The following GAREM2 variants were observed in gnomAD, a reference collection of about 807,000 sequenced individuals.
The protein encoded by GAREM2 is GRB2 associated regulator of MAPK1 subtype 2, also known as GRB2-associated and regulator of MAPK protein 2.
In GAREM2, 30 loss-of-function variants were observed where a neutral mutation model predicts 55.6. That is an observed-to-expected ratio of 0.54 (90% CI 0.40 to 0.73). The LOEUF (loss-of-function observed/expected upper bound fraction) is 0.73. Ranked by LOEUF, GAREM2 falls within the 30% of genes least tolerant of loss-of-function variation. The pLI, the probability that GAREM2 is intolerant of heterozygous loss-of-function variation, is 0.00. For missense variants in GAREM2, 1,075 were observed against 1,257.7 expected (o/e 0.85, Z 2.20); for synonymous variants, 550 against 569.1 (o/e 0.97, Z 0.48).
At chr2:26,197,877 G>GT in the GAREM2 span, 2 of 756,832 alleles carry the variant, frequency 2.6e-6, no homozygotes, top group South Asian at 1.4e-5. Context: ...AGCCCACTCT[G>GT]TCCCCCACAA....
the GAREM2 span, chr2:26,197,541 C>T: frequency 5.8e-6 from 4 of 685,040 alleles, no homozygotes; most frequent in South Asian, 6.0e-5. Flanking sequence ...TCACACTAGT[C>T]ATGGTATTAG....
chr2:26,198,258 T>G, the GAREM2 span, among the ~76,000 whole-genome samples: 1 of 152,210 alleles, frequency 6.6e-6, no homozygotes. Context: ...CATACCACTA[T>G]AGTTGCAGCT....
At chr2:26,174,237 G>A (rs1195044986) in intron 1 of GAREM2, among the ~76,000 whole-genome samples, 1 of 152,196 alleles carries the variant, frequency 6.6e-6, no homozygotes, top group Non-Finnish European at 1.5e-5. Flanking sequence ...GCCAGGAGTG[G>A]GCACAGTGGG....
downstream of GAREM2, chr2:26,191,118 A>T: frequency 1.1e-6 from 1 of 885,102 alleles, no homozygotes; most frequent in Non-Finnish European, 1.8e-6. Context: ...AAGGCACTTT[A>T]ATCAGGGAGC....
the GAREM2 span, chr2:26,201,353 G>T: frequency 2.0e-6 from 3 of 1,487,324 alleles, no homozygotes; most frequent in Admixed American, 3.3e-5. Context: ...TAGATGGGAA[G>T]AAAAGGAAAC....
At chr2:26,198,749 T>C in the GAREM2 span, among the ~76,000 whole-genome samples, 2,078 of 152,098 alleles carry the variant, frequency 0.014, 24 homozygotes, top group South Asian at 0.051. Flanking sequence ...CCCATGATTT[T>C]AGTTAATCAA....
rs1308508599 is a variant in GAREM2, at chr2:26,185,152, A to C, written c.1304A>C (p.His435Pro). The C allele has an allele frequency of 6.7e-7, 1 of 1,501,820 alleles. No homozygotes were observed. The allele number at this position is 1,501,820 out of a possible 1,614,324, so 93.0% of individuals were successfully genotyped here. A position where few individuals can be genotyped will look rare whatever the true frequency, so the allele number is the denominator to read the frequency against. The change falls in exon 4 of 6, where the codon CAC becomes CCC. Residue 435 changes from histidine to proline, a missense_variant. By Grantham distance (77) the His-to-Pro change is moderately conservative. Transcript: ENST00000401533. ...ATCCCCTACGAGGAGTTGTGGGCGC[A>C]CCAGGGGCCCGAGGGCCTCGTCCGG... ...AEIPYEELWAHQGPEGLVRPP... is the reference protein window; with the variant it reads ...AEIPYEELWAPQGPEGLVRPP...
chr2:26,176,643 T>C (rs983773099), intron 2 of GAREM2, among the ~76,000 whole-genome samples, 159 bp downstream of exon 2: 1 of 152,200 alleles, frequency 6.6e-6, no homozygotes, highest in African/African-American at 2.4e-5. Flanking sequence ...TGTGGCACTC[T>C]GGGTTTCTGG....
chr2:26,191,525 T>C (rs202066629), downstream of GAREM2: 4 of 1,614,164 alleles, frequency 2.5e-6, no homozygotes, highest in East Asian at 8.9e-5. Flanking sequence ...ACGGCTCCGA[T>C]GTCTCCCTCT....
Position 26,184,375 on chromosome 2 carries a change from G to A in GAREM2, c.527G>A (p.Arg176Gln). The change falls in exon 4 of 6, where the codon CGA (arginine) becomes CAA (glutamine). Residue 176 changes from arginine to glutamine, a missense_variant. By Grantham distance (43) the Arg-to-Gln change is conservative (BLOSUM62 1). Transcript: ENST00000401533. Reference protein sequence around the residue: ...KERSRFTTLLRKLGRAGALAG... With the variant: ...KERSRFTTLLQKLGRAGALAG... The stretch of plus-strand genomic sequence containing the variant: ...CGCTCGCGCTTCACCACCCTCCTGC[G>A]AAAGCTGGGCCGGGCCGGGGCGCTG... The A allele has an allele frequency of 6.5e-7, 1 of 1,542,418 alleles. No individual in the cohort carries two copies. Among genetic ancestry groups the A allele is most frequent in the Non-Finnish European group, 8.8e-7 (1 of 1,142,430 alleles).
intron 2 of GAREM2, among the ~76,000 whole-genome samples, chr2:26,180,198 C>T (rs900293288): frequency 6.6e-6 from 1 of 152,180 alleles, no homozygotes; most frequent in Admixed American, 6.5e-5. Flanking sequence ...CTCCCTGCTC[C>T]GTGATGATGC....
At chr2:26,195,797 T>A in the GAREM2 span, among the ~76,000 whole-genome samples, 2 of 152,176 alleles carry the variant, frequency 1.3e-5, no homozygotes, top group Non-Finnish European at 2.9e-5. Flanking sequence ...CCTGGGAGCG[T>A]TAGGCCTGCA....
At chr2:26,173,717 C>T (rs1423480729) in intron 1 of GAREM2, among the ~76,000 whole-genome samples, 1 of 151,114 alleles carries the variant, frequency 6.6e-6, no homozygotes, top group African/African-American at 2.4e-5. Context: ...CCTCTGTCTT[C>T]CCTCATCCCT....
Position 26,173,199 on chromosome 2 carries a change from G to C in GAREM2, c.-22G>C. 1 of 1,142,054 alleles carries C rather than the reference G, an allele frequency of 8.8e-7. No individual in the cohort carries two copies. The highest frequency in any genetic ancestry group is 1.1e-6 in the Non-Finnish European group (1 of 900,056). 70.7% of individuals were successfully genotyped at this position (1,142,054 alleles called of 1,614,324 possible). Reference sequence around the variant, plus strand: ...GACTGACCGTCGGGGCCCCGGGACGGCGGCCCCGGGGCGCCCATGCCATGG... The same window carrying C: ...GACTGACCGTCGGGGCCCCGGGACGCCGGCCCCGGGGCGCCCATGCCATGG... On this transcript the variant is annotated 5_prime_UTR_variant, in exon 1 of 6. Coordinates refer to ENST00000401533, the MANE Select transcript of GAREM2 (RefSeq NM_001168241.2).
chr2:26,176,526 G>C (rs1574585160), intron 2 of GAREM2, 42 bp downstream of exon 2: 1 of 1,463,884 alleles, frequency 6.8e-7, no homozygotes, highest in Non-Finnish European at 9.1e-7. Context: ...CTGTAGGGGG[G>C]TGTAGGCAGG....
At chr2:26,195,698 A>C in the GAREM2 span, among the ~76,000 whole-genome samples, 15 of 152,172 alleles carry the variant, frequency 9.9e-5, no homozygotes, top group Non-Finnish European at 2.1e-4. Flanking sequence ...AGGTTTAACT[A>C]ACACTCCTCA....
chr2:26,198,431 A>G, the GAREM2 span, among the ~76,000 whole-genome samples: 1 of 146,692 alleles, frequency 6.8e-6, no homozygotes, highest in Non-Finnish European at 1.5e-5. Context: ...GCTGGAGTGT[A>G]GTGGTGCAAT....
downstream of GAREM2, among the ~76,000 whole-genome samples, chr2:26,190,004 GCT>G (rs1277745703): frequency 6.6e-6 from 1 of 152,234 alleles, no homozygotes; most frequent in Non-Finnish European, 1.5e-5. Context: ...CCGGCTTCAG[GCT>G]CTCTCAGACC....
At chr2:26,194,438 C>G, downstream of GAREM2, 1 of 730,114 alleles carries the variant, frequency 1.4e-6, no homozygotes, top group South Asian at 1.5e-5. Context: ...AGAGAGGGCA[C>G]CAGGGACCTT....
Sources: gnomAD v4.1 joint callset for allele counts (sites outside exome capture counted in the v4.1 genomes callset) on GRCh38, gnomAD v4.1.1 for gene constraint, MANE v1.5 for transcripts, NCBI Gene and HGNC (gene_info 2026-07-23, HGNC 2026-07-21) for gene names.